Variants in SESN1 observed in about 807,000 individuals in gnomAD.
The protein encoded by SESN1 is sestrin-1.
Under a neutral mutation model 59.3 loss-of-function variants are expected in SESN1, and 30 were observed. That is an observed-to-expected ratio of 0.51 (90% CI 0.38 to 0.69). The LOEUF is 0.69. SESN1 is among the 30% of genes least tolerant of loss of function. The pLI is 0.00. For synonymous variants in SESN1, 197 were observed against 219.9 expected, an observed-to-expected ratio of 0.90 and a Z score of 0.92; for missense variants, 566 against 673.0, an observed-to-expected ratio of 0.84 and a Z score of 1.76.
Position 108,992,887 on chromosome 6 carries a change from ACTT to A in SESN1, c.1130_1132del (p.Glu377del), listed in dbSNP as rs201384588. Reference sequence around the variant, plus strand: ...ACGAGATACAGCTCTTGCTGGTGTAACTTCTTCATCATCTGGGAAAAAAGGCCA... The same window carrying A: ...ACGAGATACAGCTCTTGCTGGTGTAACTTCATCATCTGGGAAAAAAGGCCA... On this transcript the variant is annotated inframe_deletion, in exon 7 of 10. Transcript: ENST00000436639. 1.5e-3 allele frequency: 2,355 copies of A among 1,609,194 alleles called. 29 individuals carry two copies. In the African/African-American group the frequency reaches 0.029, roughly 20 times the overall value.
chr6:109,013,415 A>G (rs1353242490), intron 1 of SESN1, among the ~76,000 whole-genome samples: 2 of 152,160 alleles, frequency 1.3e-5, no homozygotes, highest in Non-Finnish European at 2.9e-5. Context: ...GAGGGAGGCA[A>G]TCATGCCTCA....
At position 109,037,359 on chromosome 6, in the gene SESN1, T is replaced by C. The variant is rs142526732; in HGVS notation, c.280-35016A>G. ...ATGTTTTTATTTCACCTAGGAAACA[T>C]TATTAGGCCGTAGAAACCATAACAC... is the stretch of plus-strand genomic sequence containing the variant. On this transcript the variant is annotated intron_variant, in intron 1 of 9. Coordinates refer to ENST00000436639, the MANE Select transcript of SESN1 (RefSeq NM_014454.3). 5.4e-4 allele frequency among the ~76,000 whole-genome samples: 82 copies of C among 152,330 alleles called. No homozygotes were observed. In the East Asian group the frequency reaches 0.015, roughly 28 times the overall value.
At chr6:109,080,514 G>C (rs1781103972) in intron 1 of SESN1, among the ~76,000 whole-genome samples, 2 of 151,958 alleles carry the variant, frequency 1.3e-5, no homozygotes, top group Non-Finnish European at 2.9e-5. Flanking sequence ...GATTCAGTAG[G>C]GTTCAAATCA....
chr6:109,013,068 A>G (rs1056655448), intron 1 of SESN1, among the ~76,000 whole-genome samples: 1 of 151,794 alleles, frequency 6.6e-6, no homozygotes, highest in Non-Finnish European at 1.5e-5. Flanking sequence ...ATGAGCCAAG[A>G]TCGCACCATT....
At chr6:109,003,328 T>C (rs1172912609) in intron 1 of SESN1, among the ~76,000 whole-genome samples, 1 of 150,254 alleles carries the variant, frequency 6.7e-6, no homozygotes, top group Admixed American at 6.7e-5. Context: ...AAGTTCTTCA[T>C]GATATAAACC....
At chr6:109,086,855 C>T (rs1367311098) in intron 1 of SESN1, among the ~76,000 whole-genome samples, 1 of 152,126 alleles carries the variant, frequency 6.6e-6, no homozygotes, top group South Asian at 2.1e-4. Context: ...GAAATCAGGC[C>T]GGGCACTGTG....
At chr6:109,092,349 C>G (rs1339285208) in intron 1 of SESN1, among the ~76,000 whole-genome samples, 1 of 152,100 alleles carries the variant, frequency 6.6e-6, no homozygotes, top group Non-Finnish European at 1.5e-5. Flanking sequence ...GAATTTGAGC[C>G]CAACTCTGAC....
intron 1 of SESN1, among the ~76,000 whole-genome samples, chr6:109,056,287 C>T (rs1780631801): frequency 6.6e-6 from 1 of 152,106 alleles, no homozygotes; most frequent in South Asian, 2.1e-4. Context: ...TACACCTTTC[C>T]CAGCTACTTG....
Position 109,000,482 on chromosome 6 carries a change from A to T in SESN1, c.729+9T>A. On this transcript the variant is annotated intron_variant, in intron 4 of 9. Transcript: ENST00000436639. ...AATGACTCCCAAGATATATTACCCC[A>T]CTGCTTACCTCAATGTGTTCTTTGG... The T allele has an allele frequency of 6.6e-7, 1 of 1,520,726 alleles. No individual in the cohort carries two copies. The allele number at this position is 1,520,726 out of a possible 1,614,324, so 94.2% of individuals were successfully genotyped here.
chr6:109,071,875 C>T (rs1008058876), intron 1 of SESN1, among the ~76,000 whole-genome samples: 2 of 152,170 alleles, frequency 1.3e-5, no homozygotes, highest in Non-Finnish European at 2.9e-5. Context: ...GTTTAACATG[C>T]AGCAGGTCAC....
At position 108,994,768 on chromosome 6, in the gene SESN1, T is replaced by G. The variant is rs191993227; in HGVS notation, c.973-159A>C. Among the ~76,000 whole-genome samples, 236 of 149,044 alleles carry G rather than the reference T, an allele frequency of 1.6e-3. 1 individual carries two copies. The highest frequency in any genetic ancestry group is 5.4e-3 in the African/African-American group (218 of 40,438). On this transcript the variant is annotated intron_variant, in intron 5 of 9. Transcript: ENST00000436639. ...CCCAGGCTGCAGTGCAGTGGCGCGA[T>G]CTCGGCTCACTGCAAGGTCCACCTC...
intron 7 of SESN1, among the ~76,000 whole-genome samples, chr6:108,991,070 A>C (rs1016784695): frequency 6.8e-6 from 1 of 146,520 alleles, no homozygotes; most frequent in African/African-American, 2.6e-5. Context: ...TCATCTCAAA[A>C]AAAAACAACA....
chr6:109,047,969 G>C (rs553737314), intron 1 of SESN1, among the ~76,000 whole-genome samples: 3 of 147,872 alleles, frequency 2.0e-5, no homozygotes, highest in Admixed American at 6.7e-5. Context: ...GAAGGCCACA[G>C]GGTCCTCTGC....
At chr6:109,008,819 T>C (rs1225241217) in intron 1 of SESN1, 3 of 985,434 alleles carry the variant, frequency 3.0e-6, no homozygotes, top group African/African-American at 3.5e-5. Flanking sequence ...CATAACGTCA[T>C]AGAGCTTGCA....
At chr6:109,024,978 G>T (rs1241994784) in intron 1 of SESN1, among the ~76,000 whole-genome samples, 4 of 152,228 alleles carry the variant, frequency 2.6e-5, no homozygotes, top group Non-Finnish European at 5.9e-5. Flanking sequence ...AAAACCCACC[G>T]ACAGGAGGAG....
At chr6:109,039,534 T>C (rs1780306247) in intron 1 of SESN1, among the ~76,000 whole-genome samples, 1 of 152,246 alleles carries the variant, frequency 6.6e-6, no homozygotes, top group African/African-American at 2.4e-5. Context: ...GTGACTTTTC[T>C]TACTGAGTAC....
At chr6:108,998,281 C>T (rs1321084844) in intron 5 of SESN1, among the ~76,000 whole-genome samples, 2 of 152,128 alleles carry the variant, frequency 1.3e-5, no homozygotes, top group Non-Finnish European at 2.9e-5. Flanking sequence ...ATGTAAACTC[C>T]TACAGGGTCT....
At chr6:109,056,275 C>T (rs1029576706) in intron 1 of SESN1, among the ~76,000 whole-genome samples, 7 of 152,034 alleles carry the variant, frequency 4.6e-5, no homozygotes, top group Non-Finnish European at 8.8e-5. Flanking sequence ...GGCATGGTAG[C>T]GTACACCTTT....
chr6:109,023,755 A>G (rs1264339061), intron 1 of SESN1, among the ~76,000 whole-genome samples: 1 of 152,264 alleles, frequency 6.6e-6, no homozygotes, highest in Non-Finnish European at 1.5e-5. Context: ...TAAAATGAGT[A>G]AAATTACCAT....
Sources: gnomAD v4.1 joint callset for allele counts (sites outside exome capture counted in the v4.1 genomes callset) on GRCh38, gnomAD v4.1.1 for gene constraint, MANE v1.5 for transcripts, NCBI Gene and HGNC (gene_info 2026-07-23, HGNC 2026-07-21) for gene names.